KCNN3: variants seen among roughly 807,000 people sequenced by gnomAD.
KCNN3 encodes potassium calcium-activated channel subfamily N member 3.
KCNN3 carries 16 observed loss-of-function variants against 62.9 expected under a neutral mutation model. The observed-to-expected ratio is 0.25, with a 90% confidence interval of 0.17 to 0.39. The LOEUF is 0.39. Ranked by LOEUF, KCNN3 falls within the 10% of genes least tolerant of loss-of-function variation. The probability of loss-of-function intolerance (pLI) is 1.00; values close to 1 mark genes in which losing one functional copy is unlikely to be tolerated. For synonymous variants in KCNN3, 370 were observed against 389.2 expected (o/e 0.95, Z 0.58); for missense variants, 599 against 949.4 (o/e 0.63, Z 4.85).
chr1:154,829,033 C>T (rs1651270655), intron 1 of KCNN3, among the ~76,000 whole-genome samples: 1 of 152,236 alleles, frequency 6.6e-6, no homozygotes, highest in South Asian at 2.1e-4. Context: ...CCAACCCCAA[C>T]CTGCTGAGCC....
intron 2 of KCNN3, among the ~76,000 whole-genome samples, chr1:154,789,992 T>C (rs1460304496): frequency 6.6e-6 from 1 of 152,178 alleles, no homozygotes; most frequent in Non-Finnish European, 1.5e-5. Flanking sequence ...CACTGCAACC[T>C]CTGCCTCCTG....
At chr1:154,720,728 T>A (rs912955105) in intron 5 of KCNN3, among the ~76,000 whole-genome samples, 3 of 152,076 alleles carry the variant, frequency 2.0e-5, no homozygotes, top group Non-Finnish European at 4.4e-5. Context: ...AGCCTGAGAG[T>A]CTAAGGAGAT....
At chr1:154,721,456 T>A (rs1421588271) in intron 5 of KCNN3, among the ~76,000 whole-genome samples, 2 of 151,660 alleles carry the variant, frequency 1.3e-5, no homozygotes, top group Non-Finnish European at 2.9e-5. Context: ...CCCACCACCA[T>A]GCCCGGCTAA....
chr1:154,768,636 G>C (rs1648404257), intron 3 of KCNN3, among the ~76,000 whole-genome samples: 1 of 152,192 alleles, frequency 6.6e-6, no homozygotes, highest in Non-Finnish European at 1.5e-5. Context: ...TCGGGAGCTT[G>C]CTGCCCCCAG....
At chr1:154,792,579 C>A (rs548158005) in intron 2 of KCNN3, among the ~76,000 whole-genome samples, 1 of 152,200 alleles carries the variant, frequency 6.6e-6, no homozygotes, top group Non-Finnish European at 1.5e-5. Context: ...ATGGCCATCC[C>A]TTATTCCAGT....
At chr1:154,789,945 G>A (rs1025709640) in intron 2 of KCNN3, among the ~76,000 whole-genome samples, 6 of 151,958 alleles carry the variant, frequency 3.9e-5, no homozygotes, top group Non-Finnish European at 7.4e-5. Context: ...TCGCTCTGTC[G>A]CCCAGGCTGG....
At chr1:154,765,645 T>A (rs1648222293) in intron 3 of KCNN3, among the ~76,000 whole-genome samples, 1 of 150,556 alleles carries the variant, frequency 6.6e-6, no homozygotes, top group Admixed American at 6.6e-5. Context: ...TTTTTTTTTT[T>A]TGAGACAGGG....
intron 1 of KCNN3, among the ~76,000 whole-genome samples, chr1:154,839,195 G>T (rs1044404240): frequency 5.9e-5 from 9 of 152,128 alleles, no homozygotes; most frequent in Non-Finnish European, 2.9e-5. Context: ...GCATAACCAC[G>T]TGCCCACCAC....
Position 154,835,108 on chromosome 1 carries a change from A to C in KCNN3, c.934-12924T>G, listed in dbSNP as rs150333828. 1.5e-4 allele frequency among the ~76,000 whole-genome samples: 23 copies of C among 152,292 alleles called. No individual in the cohort carries two copies. The East Asian group carries it at 4.4e-3, about 29-fold the overall frequency. On this transcript the variant is annotated intron_variant, in intron 1 of 7. Transcript: ENST00000271915. ...TTAACATCTATTCAATGAGACTAAA[A>C]AATCCTTTCTTCCTTCCAGGGTTGT...
intron 1 of KCNN3, among the ~76,000 whole-genome samples, chr1:154,854,066 T>G (rs776973353): frequency 7.9e-5 from 12 of 151,268 alleles, no homozygotes; most frequent in Non-Finnish European, 1.2e-4. Context: ...AAACCCCGTC[T>G]CTACTAAAAA....
At chr1:154,832,170 T>C (rs1037203491) in intron 1 of KCNN3, among the ~76,000 whole-genome samples, 1 of 151,976 alleles carries the variant, frequency 6.6e-6, no homozygotes, top group Non-Finnish European at 1.5e-5. Context: ...ACTTAGTCAC[T>C]GTTTCCTTCT....
intron 5 of KCNN3, among the ~76,000 whole-genome samples, chr1:154,719,695 GA>G (rs1700305561): frequency 6.6e-6 from 1 of 152,098 alleles, no homozygotes; most frequent in Non-Finnish European, 1.5e-5. Context: ...CAGGACTAGA[GA>G]AGGGGGCTGG....
In KCNN3 at chr1:154,796,526, T is replaced by TA. The variant is rs368569869; in HGVS notation, c.1030-24134dup. 5.3e-5 allele frequency among the ~76,000 whole-genome samples: 8 copies of TA among 151,094 alleles called. No homozygotes were observed. The South Asian group carries it at 6.3e-4, about 12-fold the overall frequency. On this transcript the variant is annotated intron_variant, in intron 2 of 7. Coordinates refer to ENST00000271915, the MANE Select transcript of KCNN3 (RefSeq NM_002249.6). ...TGTCTAGATATCATTTTTTATTGGG[T>TA]AAAAAAAAAATTTAGGTGCAGGGAC... is the stretch of plus-strand genomic sequence containing the variant.
rs199622832 is a variant in KCNN3 at position 154,770,972 on chromosome 1, GC to G, written c.1448+1002del. On this transcript the variant is annotated intron_variant, in intron 3 of 7. Coordinates refer to ENST00000271915, the MANE Select transcript of KCNN3 (RefSeq NM_002249.6). ...CATGGGAGGCTGAGGCAGGAGAATTGCTTGAACACAGGAGGCAGAGGTTGCA... is the reference window on the plus strand; with the variant it reads ...CATGGGAGGCTGAGGCAGGAGAATTGTTGAACACAGGAGGCAGAGGTTGCA... 8.1e-3 allele frequency among the ~76,000 whole-genome samples: 1,225 copies of G among 152,134 alleles called. 12 individuals are homozygous for G. The highest frequency in any genetic ancestry group is 0.029 in the African/African-American group (1,188 of 41,474).
intron 3 of KCNN3, among the ~76,000 whole-genome samples, chr1:154,760,128 T>G (rs1415587464): frequency 6.6e-6 from 1 of 152,002 alleles, no homozygotes; most frequent in African/African-American, 2.4e-5. Context: ...TTCTCCTGCC[T>G]CAGTCTCCCG....
At chr1:154,715,043 T>C (rs1700202852) in intron 5 of KCNN3, 40 bp from the exon 6 acceptor site, 1 of 1,611,672 alleles carries the variant, frequency 6.2e-7, no homozygotes, top group Non-Finnish European at 8.5e-7. Context: ...ATCAGGTTCA[T>C]TTTCTTAGGT....
At chr1:154,794,396 C>G (rs1649640566) in intron 2 of KCNN3, among the ~76,000 whole-genome samples, 1 of 152,170 alleles carries the variant, frequency 6.6e-6, no homozygotes, top group South Asian at 2.1e-4. Context: ...CAAAGGAGCT[C>G]AAGGTCCTGG....
At chr1:154,753,903 A>AT (rs1647508610) in intron 3 of KCNN3, among the ~76,000 whole-genome samples, 2 of 152,200 alleles carry the variant, frequency 1.3e-5, no homozygotes, top group Non-Finnish European at 1.5e-5. Flanking sequence ...GCAGGTGCTT[A>AT]TTTAATAGAG....
intron 2 of KCNN3, among the ~76,000 whole-genome samples, chr1:154,788,386 C>A (rs939003292): frequency 3.3e-5 from 5 of 152,208 alleles, no homozygotes; most frequent in Non-Finnish European, 5.9e-5. Context: ...GGCTCATTAG[C>A]ATATTAAAGC....
Sources: allele counts gnomAD v4.1 joint callset (sites outside exome capture counted in the v4.1 genomes callset), GRCh38; gene constraint gnomAD v4.1.1; transcripts MANE v1.5; gene names NCBI Gene and HGNC (gene_info 2026-07-23, HGNC 2026-07-21).